TSHZ3: variants seen among roughly 807,000 people sequenced by gnomAD.
TSHZ3 encodes the protein teashirt homolog 3.
TSHZ3 carries 10 observed loss-of-function variants against 64.5 expected under a neutral mutation model. The observed-to-expected ratio is 0.16, with a 90% CI of 0.10 to 0.26. TSHZ3 has a LOEUF of 0.26. Ranked by LOEUF, TSHZ3 falls within the 10% of genes least tolerant of loss-of-function variation. TSHZ3 has a pLI of 1.00. For missense variants in TSHZ3, 1,242 were observed against 1,421.7 expected, an observed-to-expected ratio of 0.87 and a Z score of 2.03; for synonymous variants, 608 against 593.1, an observed-to-expected ratio of 1.03 and a Z score of -0.36.
intron 5 of TSHZ3, among the ~76,000 whole-genome samples, chr19:31,180,856 G>A (rs1026004234): frequency 6.6e-6 from 1 of 152,100 alleles, no homozygotes; most frequent in Non-Finnish European, 1.5e-5. Flanking sequence ...GCTCACGCTG[G>A]GGCAGGCATG....
At chr19:31,178,767 G>A (rs1974652872) in intron 5 of TSHZ3, among the ~76,000 whole-genome samples, 1 of 152,200 alleles carries the variant, frequency 6.6e-6, no homozygotes, top group Admixed American at 6.5e-5. Flanking sequence ...GTGCTCCAGG[G>A]TGAGACATGT....
chr19:31,191,160 A>G (rs922856735), intron 5 of TSHZ3, among the ~76,000 whole-genome samples: 15 of 152,234 alleles, frequency 9.9e-5, no homozygotes, highest in African/African-American at 3.6e-4. Flanking sequence ...GCTGAACTTT[A>G]TGAACAATAT....
intron 1 of TSHZ3, among the ~76,000 whole-genome samples, chr19:31,306,131 C>G (rs896238445): frequency 2.6e-5 from 4 of 152,142 alleles, no homozygotes; most frequent in Non-Finnish European, 5.9e-5. Flanking sequence ...GCCCTCCCCA[C>G]GAGACGACGG....
At chr19:31,188,276 G>T (rs1409888062) in intron 5 of TSHZ3, among the ~76,000 whole-genome samples, 1 of 151,706 alleles carries the variant, frequency 6.6e-6, no homozygotes, top group African/African-American at 2.4e-5. Context: ...ACTATTTACA[G>T]ATTCTTTTGG....
At chr19:31,301,370 C>A (rs1434989904) in intron 1 of TSHZ3, among the ~76,000 whole-genome samples, 1 of 152,186 alleles carries the variant, frequency 6.6e-6, no homozygotes, top group Non-Finnish European at 1.5e-5. Flanking sequence ...TAATGCCAGG[C>A]TATTTAACAG....
chr19:31,282,741 T>C (rs369082475), intron 1 of TSHZ3, among the ~76,000 whole-genome samples: 52 of 152,160 alleles, frequency 3.4e-4, no homozygotes, highest in South Asian at 1.7e-3. Context: ...GAAATTAATA[T>C]GGAAAGAAAA....
chr19:31,174,495 C>T (rs1312437860), intron 5 of TSHZ3, among the ~76,000 whole-genome samples: 1 of 152,150 alleles, frequency 6.6e-6, no homozygotes, highest in Non-Finnish European at 1.5e-5. Context: ...ACAGAAACAC[C>T]CAGAATAACA....
intron 1 of TSHZ3, among the ~76,000 whole-genome samples, chr19:31,282,901 A>G (rs1326781410): frequency 6.6e-6 from 1 of 152,186 alleles, no homozygotes; most frequent in African/African-American, 2.4e-5. Context: ...GGGTTCTTTC[A>G]AGCGCACACC....
At chr19:31,286,053 C>T (rs1393934918) in intron 1 of TSHZ3, among the ~76,000 whole-genome samples, 1 of 152,174 alleles carries the variant, frequency 6.6e-6, no homozygotes, top group African/African-American at 2.4e-5. Flanking sequence ...CACGCTTCCC[C>T]AAGTCCCTCC....
exon 7 of TSHZ3, among the ~76,000 whole-genome samples, chr19:31,150,935 A>G (rs1321005475): frequency 6.6e-6 from 1 of 152,144 alleles, no homozygotes; most frequent in African/African-American, 2.4e-5. Context: ...GAGGCCACCA[A>G]GGAGAAGACC....
At chr19:31,214,744 T>C (rs1398310832) in intron 4 of TSHZ3, among the ~76,000 whole-genome samples, 1 of 151,386 alleles carries the variant, frequency 6.6e-6, no homozygotes, top group Admixed American at 6.6e-5. Context: ...CCGTCTCTAC[T>C]AAAAATACAA....
At chr19:31,232,752 CTA>C (rs1975557740) in intron 3 of TSHZ3, among the ~76,000 whole-genome samples, 1 of 152,188 alleles carries the variant, frequency 6.6e-6, no homozygotes, top group African/African-American at 2.4e-5. Context: ...GGCCTCATTT[CTA>C]TCTCTACAGA....
At chr19:31,283,379 A>G (rs868721374) in intron 1 of TSHZ3, among the ~76,000 whole-genome samples, 3 of 152,206 alleles carry the variant, frequency 2.0e-5, no homozygotes, top group Admixed American at 6.5e-5. Flanking sequence ...ATCTTCCACC[A>G]TGCTTTGCAA....
intron 1 of TSHZ3, among the ~76,000 whole-genome samples, chr19:31,334,403 C>A (rs1225644003): frequency 6.6e-6 from 1 of 152,164 alleles, no homozygotes; most frequent in Non-Finnish European, 1.5e-5. Flanking sequence ...ATCTCTGCCC[C>A]CTTTCAAAAG....
Position 31,278,486 on chromosome 19 carries a change from G to T in TSHZ3, c.1307C>A (p.Thr436Asn), listed in dbSNP as rs1568367159. ...VETPVTPTITTLLDEKVQSVP... is the reference protein window; with the variant it reads ...VETPVTPTITNLLDEKVQSVP... ...GGACTGGACCTTCTCATCCAGCAGG[G>T]TTGTGATGGTAGGTGTGACAGGCGT... The change falls in exon 2 of 2, where the codon ACC (threonine) becomes AAC (asparagine). Residue 436 changes from threonine (T) to asparagine (N), a missense_variant. Thr to Asn is a moderately conservative substitution (Grantham distance 65). Around this residue, in one of 4 missense-constraint regions of TSHZ3, gnomAD observed 555 missense variants for 704.0 expected, o/e 0.79. Coordinates refer to ENST00000240587, the MANE Select transcript of TSHZ3 (RefSeq NM_020856.4). This position sits in a 1 kb window ranked among gnomAD's most constrained non-coding sequence, Gnocchi z 4.7. The T allele has an allele frequency of 1.2e-6, 2 of 1,614,146 alleles. No homozygotes were observed. The highest frequency in any genetic ancestry group is 8.5e-7 in the Non-Finnish European group (1 of 1,180,030).
In TSHZ3 at chr19:31,276,536, A is replaced by G; in HGVS notation, c.*11T>C. 2 of 1,531,918 alleles carry G rather than the reference A, an allele frequency of 1.3e-6. No homozygotes were observed. Among genetic ancestry groups the G allele is most frequent in the Non-Finnish European group, 1.8e-6 (2 of 1,137,528 alleles). 94.9% of individuals were successfully genotyped at this position (1,531,918 alleles called of 1,614,324 possible). ...AAAGCAAACTGCAGTCCTTTCTATC[A>G]AAAGCAAATGCTACTGCTTCTCTAA... On this transcript the variant is annotated 3_prime_UTR_variant, in exon 2 of 2. Transcript: ENST00000240587.
At chr19:31,199,075 G>A (rs2101906) in intron 5 of TSHZ3, among the ~76,000 whole-genome samples, 106,033 of 151,986 alleles carry the variant, frequency 0.7, 37,190 homozygotes, top group African/African-American at 0.77. Flanking sequence ...AGACAAGGCA[G>A]TGGAACAGAA....
At chr19:31,181,049 A>G (rs1422763761) in intron 5 of TSHZ3, among the ~76,000 whole-genome samples, 1 of 152,114 alleles carries the variant, frequency 6.6e-6, no homozygotes, top group East Asian at 1.9e-4. Context: ...CCCAGAGCTC[A>G]TTAGGGGGAG....
intron 1 of TSHZ3, among the ~76,000 whole-genome samples, chr19:31,345,484 G>C (rs1324094928): frequency 6.6e-6 from 1 of 152,112 alleles, no homozygotes; most frequent in Non-Finnish European, 1.5e-5. Context: ...AACCCCCTCT[G>C]GCTGTTCCAG....
Sources: allele counts gnomAD v4.1 joint callset (sites outside exome capture counted in the v4.1 genomes callset), GRCh38; gene constraint gnomAD v4.1.1; regional missense constraint gnomAD v4.1.1; non-coding constraint Gnocchi (gnomAD v3.1); transcripts MANE v1.5; gene names NCBI Gene and HGNC (gene_info 2026-07-23, HGNC 2026-07-21).